The following NELL1 variants were observed in gnomAD, a reference collection of about 807,000 sequenced individuals.
NELL1 encodes protein kinase C-binding protein NELL1.
In NELL1, 76 loss-of-function variants were observed where a neutral mutation model predicts 107.4. The ratio of observed to expected loss-of-function variants is 0.71; its 90% confidence interval spans 0.59 to 0.86. The LOEUF is 0.86. Ranked by LOEUF, NELL1 falls within the 40% of genes least tolerant of loss-of-function variation. NELL1 has a pLI of 0.00. For missense variants in NELL1, 1,024 were observed against 1,005.5 expected (o/e 1.02, Z -0.25); for synonymous variants, 353 against 341.2 (o/e 1.03, Z -0.38).
intron 16 of NELL1, among the ~76,000 whole-genome samples, chr11:21,539,266 A>G (rs539452740): frequency 2.6e-5 from 4 of 152,146 alleles, no homozygotes; most frequent in African/African-American, 9.6e-5. Context: ...AATAATATCT[A>G]GGGATGGGTG....
At chr11:21,450,633 G>A (rs1244601543) in intron 15 of NELL1, among the ~76,000 whole-genome samples, 1 of 152,094 alleles carries the variant, frequency 6.6e-6, no homozygotes, top group Non-Finnish European at 1.5e-5. Context: ...TGTACATACA[G>A]ATTTCTTCCT....
intron 15 of NELL1, among the ~76,000 whole-genome samples, chr11:21,375,049 T>C (rs1005665347): frequency 6.6e-6 from 1 of 151,988 alleles, no homozygotes; most frequent in Non-Finnish European, 1.5e-5. Context: ...CTTAATCCTT[T>C]TTTCAACTTT....
chr11:21,494,113 G>A (rs1854909846), intron 15 of NELL1, among the ~76,000 whole-genome samples: 1 of 151,894 alleles, frequency 6.6e-6, no homozygotes, highest in African/African-American at 2.4e-5. Context: ...TAACAAAAAT[G>A]TATTTAATAA....
At chr11:21,551,158 A>G (rs1856573605) in intron 16 of NELL1, among the ~76,000 whole-genome samples, 1 of 151,820 alleles carries the variant, frequency 6.6e-6, no homozygotes, top group South Asian at 2.1e-4. Flanking sequence ...TTATTGGTGT[A>G]TAAGAATGCT....
At chr11:21,402,721 C>T (rs1483635662) in intron 15 of NELL1, among the ~76,000 whole-genome samples, 6 of 150,246 alleles carry the variant, frequency 4.0e-5, no homozygotes, top group East Asian at 2.0e-4. Flanking sequence ...CCATTCTATT[C>T]GAGTAAATAA....
intron 4 of NELL1, among the ~76,000 whole-genome samples, chr11:20,882,913 A>G (rs1375351364): frequency 6.6e-6 from 1 of 152,180 alleles, no homozygotes; most frequent in Non-Finnish European, 1.5e-5. Context: ...CATTTTAAAG[A>G]CCACAAGCAG....
chr11:21,290,434 T>TAAATAA, intron 14 of NELL1, among the ~76,000 whole-genome samples: 1 of 82,478 alleles, frequency 1.2e-5, no homozygotes, highest in South Asian at 3.4e-4. Context: ...TAAATAAATA[T>TAAATAA]TCCTTCCTGC....
At chr11:21,319,516 A>ATATATATT (rs1291132794) in intron 14 of NELL1, among the ~76,000 whole-genome samples, 1 of 120,296 alleles carries the variant, frequency 8.3e-6, no homozygotes, top group African/African-American at 3.1e-5. Context: ...ATATATATAT[A>ATATATATT]TTTTTAGTAG....
chr11:20,681,868 C>T (rs1272849291), intron 2 of NELL1, among the ~76,000 whole-genome samples: 2 of 151,964 alleles, frequency 1.3e-5, no homozygotes, highest in South Asian at 2.1e-4. Context: ...AGTCCAAGGT[C>T]GACTTCTGTT....
chr11:21,343,348 G>A (rs1348727940), intron 14 of NELL1, among the ~76,000 whole-genome samples: 1 of 152,072 alleles, frequency 6.6e-6, no homozygotes, highest in African/African-American at 2.4e-5. Context: ...GCTTGTGCAG[G>A]ATCATCTGCT....
At chr11:21,503,592 T>C (rs1463244723) in intron 15 of NELL1, among the ~76,000 whole-genome samples, 1 of 152,178 alleles carries the variant, frequency 6.6e-6, no homozygotes, top group African/African-American at 2.4e-5. Flanking sequence ...ATATAGCATA[T>C]ACCAAGTACA....
At chr11:21,417,128 A>T (rs10766802) in intron 15 of NELL1, among the ~76,000 whole-genome samples, 6 of 151,740 alleles carry the variant, frequency 4.0e-5, no homozygotes, top group African/African-American at 1.2e-4. Context: ...AGGACTTAGC[A>T]CAGGACCTAG....
chr11:21,159,050 A>G (rs1856305906), intron 13 of NELL1, among the ~76,000 whole-genome samples: 1 of 151,986 alleles, frequency 6.6e-6, no homozygotes, highest in Non-Finnish European at 1.5e-5. Context: ...TGACTTTCTT[A>G]TTATTGAGAC....
At chr11:21,023,380 C>G (rs950926414) in intron 12 of NELL1, among the ~76,000 whole-genome samples, 1 of 151,976 alleles carries the variant, frequency 6.6e-6, no homozygotes, top group African/African-American at 2.4e-5. Flanking sequence ...ACAATACAGC[C>G]AGCCACAGCT....
chr11:20,971,623 A>C (rs950362807), intron 12 of NELL1, among the ~76,000 whole-genome samples: 1 of 152,152 alleles, frequency 6.6e-6, no homozygotes, highest in Non-Finnish European at 1.5e-5. Flanking sequence ...AAACAATTAG[A>C]GAAGAATAAC....
intron 2 of NELL1, among the ~76,000 whole-genome samples, chr11:20,685,927 A>G (rs1854295326): frequency 6.6e-6 from 1 of 152,070 alleles, no homozygotes; most frequent in Non-Finnish European, 1.5e-5. Context: ...CAATGAGTAA[A>G]TGGAAGTATT....
chr11:20,805,232 GT>G (rs1192948875), intron 3 of NELL1, among the ~76,000 whole-genome samples: 2 of 151,984 alleles, frequency 1.3e-5, no homozygotes, highest in Non-Finnish European at 2.9e-5. Context: ...TTCTGTTTTT[GT>G]TTTTACAACT....
intron 15 of NELL1, among the ~76,000 whole-genome samples, chr11:21,420,597 GA>G (rs1564885655): frequency 6.6e-6 from 1 of 152,110 alleles, no homozygotes; most frequent in African/African-American, 2.4e-5. Flanking sequence ...GTATAGGAAC[GA>G]AAAGAGGAAG....
intron 14 of NELL1, among the ~76,000 whole-genome samples, chr11:21,342,986 A>G (rs1463870334): frequency 6.6e-6 from 1 of 152,034 alleles, no homozygotes; most frequent in African/African-American, 2.4e-5. Flanking sequence ...AATACTGTTG[A>G]ATGGAAAGCT....
Sources: gnomAD v4.1 joint callset for allele counts (sites outside exome capture counted in the v4.1 genomes callset) on GRCh38, gnomAD v4.1.1 for gene constraint, MANE v1.5 for transcripts, NCBI Gene and HGNC (gene_info 2026-07-23, HGNC 2026-07-21) for gene names.